The following NEMF variants were observed in gnomAD, a reference collection of about 807,000 sequenced individuals.
NEMF encodes nuclear export mediator factor, also known as ribosome quality control complex subunit NEMF.
In NEMF, 89 loss-of-function variants were observed where a neutral mutation model predicts 162.2. The observed-to-expected ratio is 0.55, with a 90% CI of 0.46 to 0.65. The LOEUF is 0.65. Ranked by LOEUF, NEMF falls within the 30% of genes least tolerant of loss-of-function variation. NEMF has a pLI of 0.00. For missense variants in NEMF, 1,133 were observed against 1,261.9 expected (o/e 0.90, Z 1.55); for synonymous variants, 421 against 404.5 (o/e 1.04, Z -0.49).
At chr14:49,806,236 A>T (rs202237756) in intron 18 of NEMF, 103 bp from the exon 19 acceptor site, 1 of 15,152 alleles carries the variant, frequency 6.6e-5, no homozygotes, top group Non-Finnish European at 1.3e-4. Context: ...ATATGTGTAT[A>T]TATATATATA....
intron 15 of NEMF, among the ~76,000 whole-genome samples, chr14:49,827,774 T>C (rs1016020782): frequency 1.3e-5 from 2 of 151,584 alleles, no homozygotes; most frequent in African/African-American, 4.9e-5. Flanking sequence ...GATCAAGCCA[T>C]TGCACTCCAG....
chr14:49,808,912 T>C (rs1163669212), intron 18 of NEMF, among the ~76,000 whole-genome samples: 1 of 152,170 alleles, frequency 6.6e-6, no homozygotes, highest in Admixed American at 6.5e-5. Context: ...TATGAATATC[T>C]AATAAGCATA....
At chr14:49,791,909 C>A (rs942764366) in intron 26 of NEMF, among the ~76,000 whole-genome samples, 5 of 151,870 alleles carry the variant, frequency 3.3e-5, no homozygotes, top group African/African-American at 1.2e-4. Flanking sequence ...CTTCGGAAAA[C>A]CAACTTCAAA....
At position 49,782,137 on chromosome 14, in the gene NEMF, A is replaced by G. The variant is rs551915839; in HGVS notation, c.*2499T>C. 369 of 491,730 alleles carry G rather than the reference A, an allele frequency of 7.5e-4. 5 individuals carry two copies. In the South Asian group the frequency reaches 0.011, roughly 15 times the overall value. 30.5% of individuals were successfully genotyped at this position (491,730 alleles called of 1,614,324 possible). A position where few individuals can be genotyped will look rare whatever the true frequency, so the allele number is the denominator to read the frequency against. On this transcript the variant is annotated 3_prime_UTR_variant, in exon 33 of 33. Transcript: ENST00000298310. ...CCTAGAGAACAGATCGTTCAGTTCA[A>G]ACTCCTCATTGCATAAATGAGAACG...
intron 15 of NEMF, 38 bp from the exon 16 acceptor site, chr14:49,825,993 G>C (rs1402401596): frequency 1.4e-6 from 2 of 1,419,720 alleles, no homozygotes; most frequent in Non-Finnish European, 9.8e-7. Flanking sequence ...AATTTGTTAA[G>C]AATGTATTTA....
At chr14:49,819,309 C>G (rs1355512925) in intron 16 of NEMF, among the ~76,000 whole-genome samples, 2 of 151,662 alleles carry the variant, frequency 1.3e-5, no homozygotes, top group African/African-American at 4.8e-5. Context: ...AACAGAGTAA[C>G]TACGTGAGAT....
intron 32 of NEMF, 102 bp from the exon 33 acceptor site, chr14:49,784,815 G>GT: frequency 3.6e-6 from 5 of 1,396,454 alleles, no homozygotes; most frequent in Non-Finnish European, 5.0e-6. Context: ...AGCTGAGATG[G>GT]TTTTACTGCT....
At chr14:49,798,635 G>A (rs758834699) in intron 25 of NEMF, among the ~76,000 whole-genome samples, 5 of 152,146 alleles carry the variant, frequency 3.3e-5, no homozygotes, top group Non-Finnish European at 5.9e-5. Context: ...TGGGCCAGGC[G>A]CGGTGGCTTA....
At chr14:49,834,135 G>A (rs1279234161) in intron 7 of NEMF, 1 of 594,202 alleles carries the variant, frequency 1.7e-6, no homozygotes, top group Non-Finnish European at 3.1e-6. Context: ...CTGTTGCTCA[G>A]GCTGGAGTGC....
chr14:49,852,422 C>T (rs753933598), intron 1 of NEMF, among the ~76,000 whole-genome samples: 4 of 152,258 alleles, frequency 2.6e-5, no homozygotes, highest in Non-Finnish European at 5.9e-5. Flanking sequence ...CCAACCCGGA[C>T]AACCCAGGCC....
At chr14:49,831,985 G>A in intron 10 of NEMF, 66 bp downstream of exon 10, 2 of 1,049,052 alleles carry the variant, frequency 1.9e-6, no homozygotes. Context: ...CTCAATAGAA[G>A]CAAGTTGATA....
chr14:49,788,838 T>G (rs1434568876), intron 28 of NEMF, among the ~76,000 whole-genome samples: 1 of 152,170 alleles, frequency 6.6e-6, no homozygotes, highest in East Asian at 1.9e-4. Context: ...ATTACAGGCG[T>G]GAGCCACCGT....
Position 49,801,859 on chromosome 14 carries a change from C to A in NEMF, c.2095+594G>T, listed in dbSNP as rs190106942. Among the ~76,000 whole-genome samples, 26 of 152,248 alleles carry A rather than the reference C, an allele frequency of 1.7e-4. 1 individual carries two copies. In the East Asian group the frequency reaches 5.0e-3, roughly 29 times the overall value. On this transcript the variant is annotated intron_variant, in intron 22 of 32. Coordinates refer to ENST00000298310, the MANE Select transcript of NEMF (RefSeq NM_004713.6). ...GCTAATGCACATTTACCCGAGTCTA[C>A]CTTTGTTAAACACATTTATGCATTA...
intron 15 of NEMF, among the ~76,000 whole-genome samples, chr14:49,826,517 A>G (rs1892354154): frequency 6.8e-6 from 1 of 146,368 alleles, no homozygotes; most frequent in Non-Finnish European, 1.5e-5. Flanking sequence ...TCAGGCAAAG[A>G]ATAGGAAAAA....
At chr14:49,836,504 T>A (rs1214432091) in intron 6 of NEMF, among the ~76,000 whole-genome samples, 1 of 151,584 alleles carries the variant, frequency 6.6e-6, no homozygotes. Context: ...AATAGAAAAA[T>A]TAGCCAGGAG....
At chr14:49,822,273 C>T (rs1892105935) in intron 16 of NEMF, among the ~76,000 whole-genome samples, 2 of 144,706 alleles carry the variant, frequency 1.4e-5, no homozygotes, top group Admixed American at 7.0e-5. Flanking sequence ...GAGAAACACC[C>T]AAGAATGATC....
chr14:49,829,462 T>C (rs1218372517), intron 11 of NEMF, 36 bp from the exon 12 acceptor site: 1 of 1,533,882 alleles, frequency 6.5e-7, no homozygotes. Context: ...AAAAATTAGA[T>C]TTCTCCTACC....
At chr14:49,842,615 T>C (rs1893269734) in intron 4 of NEMF, among the ~76,000 whole-genome samples, 1 of 152,224 alleles carries the variant, frequency 6.6e-6, no homozygotes, top group Admixed American at 6.5e-5. Flanking sequence ...CCCAAATTCA[T>C]CTGAAATGAC....
intron 15 of NEMF, 126 bp from the exon 16 acceptor site, chr14:49,826,081 A>AACAC (rs370441618): frequency 5.4e-6 from 3 of 554,762 alleles, no homozygotes; most frequent in Admixed American, 3.3e-5. Flanking sequence ...CACACACACA[A>AACAC]ACACACACAC....
Sources: allele counts gnomAD v4.1 joint callset (sites outside exome capture counted in the v4.1 genomes callset), GRCh38; gene constraint gnomAD v4.1.1; transcripts MANE v1.5; gene names NCBI Gene and HGNC (gene_info 2026-07-23, HGNC 2026-07-21).